Variants in RWDD1 observed in about 807,000 individuals in gnomAD.
RWDD1 encodes RWD domain containing 1.
In RWDD1, 17 loss-of-function variants were observed where a neutral mutation model predicts 31.6. The ratio of observed to expected loss-of-function variants is 0.54; its 90% CI spans 0.37 to 0.81. RWDD1 has a LOEUF of 0.81. Ranked by LOEUF, RWDD1 falls within the 30% of genes least tolerant of loss-of-function variation. The pLI is 0.00. For synonymous variants in RWDD1, 78 were observed against 94.2 expected (o/e 0.83, Z 0.99); for missense variants, 204 against 274.5 (o/e 0.74, Z 1.82).
intron 2 of RWDD1, among the ~76,000 whole-genome samples, chr6:116,583,688 T>TG (rs1452095762): frequency 6.6e-6 from 1 of 151,596 alleles, no homozygotes; most frequent in African/African-American, 2.4e-5. Context: ...TTAAGAAAGC[T>TG]GGGGGGAAGA....
chr6:116,588,870 T>C lies in RWDD1; in HGVS notation c.299T>C (p.Ile100Thr), dbSNP rs1420946533. 3 of 1,545,220 alleles carry C rather than the reference T, an allele frequency of 1.9e-6. No individual in the cohort carries two copies. The highest frequency in any genetic ancestry group is 1.7e-6 in the Non-Finnish European group (2 of 1,155,056). The change falls in exon 4 of 7, where the codon ATT becomes ACT. Residue 100 changes from isoleucine to threonine, a missense_variant. Physicochemically the swap from Ile to Thr is moderately conservative, Grantham distance 89. Coordinates refer to ENST00000466444, the MANE Select transcript of RWDD1 (RefSeq NM_015952.4). The stretch of plus-strand genomic sequence containing the variant: ...GAAGAAAATCTTGGTATGGTGATGA[T>C]TTTTACTCTAGTGACAGCTGTGCAA... The part of the protein sequence containing the change: ...QAEENLGMVM[I>T]FTLVTAVQEK...
At chr6:116,581,570 A>G (rs1329989044) in intron 2 of RWDD1, among the ~76,000 whole-genome samples, 1 of 151,974 alleles carries the variant, frequency 6.6e-6, no homozygotes, top group Admixed American at 6.6e-5. Flanking sequence ...TTTTTCCCCA[A>G]AAACTCCTTT....
intron 3 of RWDD1, among the ~76,000 whole-genome samples, chr6:116,588,225 C>G (rs1310199624): frequency 1.3e-5 from 2 of 152,130 alleles, no homozygotes; most frequent in African/African-American, 4.8e-5. Context: ...AAAGAAATGC[C>G]TAGTAATCTC....
At chr6:116,576,059 CT>C (rs1358683741) in intron 1 of RWDD1, among the ~76,000 whole-genome samples, 2 of 152,188 alleles carry the variant, frequency 1.3e-5, no homozygotes, top group Non-Finnish European at 1.5e-5. Flanking sequence ...TATTGGGAGA[CT>C]TTTAGCAGTA....
intron 2 of RWDD1, 121 bp from the exon 3 acceptor site, chr6:116,584,606 G>C: frequency 1.3e-6 from 1 of 782,084 alleles, no homozygotes; most frequent in Non-Finnish European, 2.1e-6. Flanking sequence ...TATCCATCTG[G>C]TCTCTTAATA....
At chr6:116,591,475 C>G (rs530263122) in intron 6 of RWDD1, among the ~76,000 whole-genome samples, 25 of 152,228 alleles carry the variant, frequency 1.6e-4, no homozygotes, top group Non-Finnish European at 3.1e-4. Context: ...GTAAAAACCT[C>G]ATGTTTAACT....
rs1308984787 is a variant in RWDD1 at position 116,596,485 on chromosome 6, T to C, written c.*3384T>C. 1 of 152,216 alleles carries C rather than the reference T, an allele frequency of 6.6e-6. No homozygotes were observed. The highest frequency in any genetic ancestry group is 1.5e-5 in the Non-Finnish European group (1 of 68,034). The allele number at this position is 152,216 out of a possible 1,614,324, so 9.4% of individuals were successfully genotyped here. ...ATGGATGATGGGGTCATTTAAATTG[T>C]TGGACAAAGCCATGAAAGGACTTTT... On this transcript the variant is annotated 3_prime_UTR_variant, in exon 7 of 7. Transcript: ENST00000466444.
chr6:116,576,910 G>A (rs996559412), intron 1 of RWDD1, among the ~76,000 whole-genome samples: 3 of 152,184 alleles, frequency 2.0e-5, no homozygotes, highest in Non-Finnish European at 4.4e-5. Context: ...AGTAAGCAGG[G>A]ACCACATCAC....
chr6:116,588,907 T>C lies in RWDD1; in HGVS notation c.336T>C (p.Asn112=). 2 of 1,503,530 alleles carry C rather than the reference T, an allele frequency of 1.3e-6. No individual in the cohort carries two copies. The highest frequency in any genetic ancestry group is 8.9e-7 in the Non-Finnish European group (1 of 1,128,414). 93.1% of individuals were successfully genotyped at this position (1,503,530 alleles called of 1,614,324 possible). Residue 112 remains asparagine, a synonymous_variant, in exon 4 of 7, where the codon AAT becomes AAC. Transcript: ENST00000466444. ...TLVTAVQEKL[N]EIVDQIKTRR... is the part of the protein sequence containing the mutation. ...TGACAGCTGTGCAAGAAAAATTAAATGAAATAGTAGATCAGATAAAAACTA... is the reference window on the plus strand; with the variant it reads ...TGACAGCTGTGCAAGAAAAATTAAACGAAATAGTAGATCAGATAAAAACTA...
chr6:116,592,951 T>C, intron 6 of RWDD1, 29 bp from the exon 7 acceptor site: 1 of 1,000,370 alleles, frequency 1.0e-6, no homozygotes, highest in South Asian at 2.0e-5. Flanking sequence ...TAAAGGAGAT[T>C]TTTTTTTTTT....
At position 116,590,870 on chromosome 6, in the gene RWDD1, C is replaced by CTT. The variant is rs77165075; in HGVS notation, c.548-4_548-3dup. On this transcript the variant is annotated splice_polypyrimidine_tract_variant and intron_variant, in intron 5 of 6. Coordinates refer to ENST00000466444, the MANE Select transcript of RWDD1 (RefSeq NM_015952.4). ...AACTATGCCATTTGAATTAAACATACTTTTTTTTTTTTTTTAGGGAAACAA... is the reference window on the plus strand; with the variant it reads ...AACTATGCCATTTGAATTAAACATACTTTTTTTTTTTTTTTTTAGGGAAACAA... 775 of 1,480,344 alleles carry CTT rather than the reference C, an allele frequency of 5.2e-4. No individual in the cohort carries two copies. Among genetic ancestry groups the CTT allele is most frequent in the South Asian group, 2.0e-3 (148 of 74,772 alleles). 91.7% of individuals were successfully genotyped at this position (1,480,344 alleles called of 1,614,324 possible).
rs1389543785 is a variant in RWDD1, at chr6:116,580,289, T to G, written c.74-6T>G. On this transcript the variant is annotated splice_region_variant and splice_polypyrimidine_tract_variant and intron_variant, in intron 1 of 6. Coordinates refer to ENST00000466444, the MANE Select transcript of RWDD1 (RefSeq NM_015952.4). ...TTCAATAACTTCTGTGTGTATTTTC[T>G]TGCAGTATTATCAGAAAATCCACCC... The G allele has an allele frequency of 6.3e-7, 1 of 1,594,786 alleles. No homozygotes were observed. Among genetic ancestry groups the G allele is most frequent in the Non-Finnish European group, 8.6e-7 (1 of 1,166,906 alleles).
At chr6:116,589,666 G>C (rs1310477189) in intron 4 of RWDD1, among the ~76,000 whole-genome samples, 1 of 152,078 alleles carries the variant, frequency 6.6e-6, no homozygotes, top group East Asian at 1.9e-4. Flanking sequence ...CCAAAACTGG[G>C]AACAAAAAGG....
chr6:116,588,390 T>C (rs2115334309), intron 3 of RWDD1, among the ~76,000 whole-genome samples: 1 of 152,280 alleles, frequency 6.6e-6, no homozygotes, highest in South Asian at 2.1e-4. Context: ...GATTTTTTTA[T>C]ATTTGGTTTT....
At chr6:116,572,837 T>G (rs1774767534) in intron 1 of RWDD1, 1 of 985,476 alleles carries the variant, frequency 1.0e-6, no homozygotes, top group Non-Finnish European at 1.2e-6. Context: ...GGTAGCAAAT[T>G]TTGTTCTGCT....
intron 1 of RWDD1, chr6:116,573,913 C>A: frequency 1.6e-6 from 1 of 608,792 alleles, no homozygotes; most frequent in Non-Finnish European, 2.1e-6. Flanking sequence ...AGACACAGTC[C>A]AGCCTATAGA....
chr6:116,590,284 G>C lies in RWDD1; in HGVS notation c.427G>C (p.Gly143Arg). ...TTTATTTCCTAAGCAATTATTCCAT[G>C]GTACTCCAGTTACAATTGAGAATTT... ...AEEAEKQLFH[G>R]TPVTIENFLN... is the part of the protein sequence containing the mutation. The change falls in exon 5 of 7, where the codon GGT (glycine) becomes CGT (arginine). Residue 143 changes from glycine (G) to arginine (R), a missense_variant. Physicochemically the swap from Gly to Arg is moderately radical, Grantham distance 125 (BLOSUM62 -2). Coordinates refer to ENST00000466444, the MANE Select transcript of RWDD1 (RefSeq NM_015952.4). 6.4e-7 allele frequency: 1 copy of C among 1,550,672 alleles called. No individual in the cohort carries two copies. The highest frequency in any genetic ancestry group is 1.2e-5 in the South Asian group (1 of 81,644).
Position 116,571,561 on chromosome 6 carries a change from A to C in RWDD1, c.-22A>C. 6.2e-7 allele frequency: 1 copy of C among 1,611,070 alleles called. No homozygotes were observed. Among genetic ancestry groups the C allele is most frequent in the Non-Finnish European group, 8.5e-7 (1 of 1,178,918 alleles). On this transcript the variant is annotated 5_prime_UTR_variant, in exon 1 of 7. An upstream start codon of the reference 5' UTR is lost. Transcript: ENST00000466444. ...CGCCGCCTAGGTGTCTGGGCGATCT[A>C]TGGGCAAGAGCAAGGGCCACGATGA...
At chr6:116,590,985 G>A (rs758186053) in intron 6 of RWDD1, 35 bp downstream of exon 6, 6 of 1,542,908 alleles carry the variant, frequency 3.9e-6, no homozygotes, top group Non-Finnish European at 5.2e-6. Flanking sequence ...TGTGGGACAG[G>A]CACAGTAGCT....
Sources: gnomAD v4.1 joint callset for allele counts (sites outside exome capture counted in the v4.1 genomes callset) on GRCh38, gnomAD v4.1.1 for gene constraint, MANE v1.5 for transcripts, NCBI Gene and HGNC (gene_info 2026-07-23, HGNC 2026-07-21) for gene names.